The following TEN1 variants were observed in gnomAD, a reference collection of about 807,000 sequenced individuals.
TEN1 encodes the protein TEN1 subunit of CST complex.
Under a neutral mutation model 9.3 loss-of-function variants are expected in TEN1, and 6 were observed. That is an observed-to-expected ratio of 0.65 (90% CI 0.35 to 1.27). The LOEUF (loss-of-function observed/expected upper bound fraction) is 1.27, where lower values mean the gene tolerates loss of function less well. Among genes scored for constraint, TEN1 ranks in the 50% most tolerant of loss-of-function variants. The pLI, the probability that TEN1 is intolerant of heterozygous loss-of-function variation, is 0.03. For missense variants in TEN1, 149 were observed against 158.2 expected (o/e 0.94, Z 0.31); for synonymous variants, 65 against 65.6 (o/e 0.99, Z 0.04).
At chr17:75,980,814 A>C (rs527670987) in intron 1 of TEN1, among the ~76,000 whole-genome samples, 1 of 152,346 alleles carries the variant, frequency 6.6e-6, no homozygotes, top group East Asian at 1.9e-4. Context: ...TAATAGAACT[A>C]TAATACACAC....
Position 75,986,225 on chromosome 17 carries a change from C to A in TEN1, c.33C>A (p.Leu11=). MMLPKPGTYY[L]PWEVSAGQVP... is the part of the protein sequence containing the mutation. ...TGCCCAAACCTGGGACCTATTACCTCCCCTGGGAGGTTAGTGCAGGCCAAG... is the reference window on the plus strand; with the variant it reads ...TGCCCAAACCTGGGACCTATTACCTACCCTGGGAGGTTAGTGCAGGCCAAG... The change falls in exon 2 of 4, where the codon CTC becomes CTA. Residue 11 remains leucine (L), a synonymous_variant. Transcript: ENST00000397640. 1 of 1,550,048 alleles carries A rather than the reference C, an allele frequency of 6.5e-7. No homozygotes were observed. The highest frequency in any genetic ancestry group is 8.7e-7 in the Non-Finnish European group (1 of 1,146,232).
chr17:75,991,890 T>G (rs1767742018), intron 3 of TEN1, among the ~76,000 whole-genome samples: 1 of 151,574 alleles, frequency 6.6e-6, no homozygotes, highest in African/African-American at 2.4e-5. Context: ...CTACTAAAAG[T>G]ACAAAACTTA....
At position 75,979,387 on chromosome 17, in the gene TEN1, A is replaced by C; in HGVS notation, c.-131A>C. The C allele has an allele frequency of 2.0e-6, 1 of 512,726 alleles. No homozygotes were observed. The highest frequency in any genetic ancestry group is 3.5e-6 in the Non-Finnish European group (1 of 281,912). The allele number at this position is 512,726 out of a possible 1,614,324, so 31.8% of individuals were successfully genotyped here. ...CGGGAAAGGGGCTCCGAAGGTCAAG[A>C]AACTGCCCTGCTGGGCGTCCGGGGA... On this transcript the variant is annotated 5_prime_UTR_variant, in exon 1 of 4. Coordinates refer to ENST00000397640, the MANE Select transcript of TEN1 (RefSeq NM_001113324.3).
chr17:75,991,118 C>A (rs1265116017), intron 2 of TEN1, among the ~76,000 whole-genome samples: 1 of 132,834 alleles, frequency 7.5e-6, no homozygotes, highest in Non-Finnish European at 1.5e-5. Context: ...CCATTGCACT[C>A]CAGCCTGGGC....
chr17:75,988,584 A>G (rs1229603358), intron 2 of TEN1, among the ~76,000 whole-genome samples: 2 of 150,680 alleles, frequency 1.3e-5, no homozygotes, highest in Non-Finnish European at 3.0e-5. Flanking sequence ...AAAAAAAAAA[A>G]AAAGAAAAGA....
chr17:75,992,806 T>G (rs1488376561), intron 3 of TEN1, among the ~76,000 whole-genome samples: 1 of 149,290 alleles, frequency 6.7e-6, no homozygotes, highest in East Asian at 2.0e-4. Flanking sequence ...GCCACCGTTT[T>G]TTTTTTTTTT....
At chr17:75,997,770 C>T (rs1329526056) in intron 3 of TEN1, among the ~76,000 whole-genome samples, 1 of 152,084 alleles carries the variant, frequency 6.6e-6, no homozygotes, top group Non-Finnish European at 1.5e-5. Context: ...TCCGTATAAC[C>T]CCTTCCTCTT....
intron 3 of TEN1, among the ~76,000 whole-genome samples, chr17:75,998,782 C>A (rs1173953017): frequency 1.3e-5 from 2 of 152,052 alleles, no homozygotes; most frequent in African/African-American, 4.8e-5. Flanking sequence ...CGTCTGCCTC[C>A]CAGGTTCAAG....
Position 75,981,597 on chromosome 17 carries a change from T to TTG in TEN1, c.-7+2087_-7+2088insGT, listed in dbSNP as rs1491160412. On this transcript the variant is annotated intron_variant, in intron 1 of 3. Transcript: ENST00000397640. ...CAGAAGCAACCCACAAAGCAAGTTGTTTTTTTTTTTTTTTTTACCTTCTGT... is the reference window on the plus strand; with the variant it reads ...CAGAAGCAACCCACAAAGCAAGTTGTTGTTTTTTTTTTTTTTTTACCTTCTGT... 4.4e-3 allele frequency among the ~76,000 whole-genome samples: 403 copies of TTG among 91,282 alleles called. 4 individuals carry two copies. Among genetic ancestry groups the TTG allele is most frequent in the African/African-American group, 0.024 (384 of 16,324 alleles). The allele number at this position is 91,282 out of a possible 152,430, so 59.9% of individuals were successfully genotyped here.
In TEN1 at chr17:76,000,451, A is replaced by G. The variant is rs1567900852; in HGVS notation, c.*189A>G. On this transcript the variant is annotated 3_prime_UTR_variant, in exon 4 of 4. Coordinates refer to ENST00000397640, the MANE Select transcript of TEN1 (RefSeq NM_001113324.3). This position sits in a 1 kb window ranked among gnomAD's most constrained non-coding sequence, Gnocchi z 5.9. ...GCTCAGCAATGAGAACCCAGAAAGCATGCCATAAATCCGACAGCCCCACCC... is the reference window on the plus strand; with the variant it reads ...GCTCAGCAATGAGAACCCAGAAAGCGTGCCATAAATCCGACAGCCCCACCC... The G allele has an allele frequency of 1.1e-6, 1 of 896,852 alleles. No individual in the cohort carries two copies. The highest frequency in any genetic ancestry group is 1.6e-6 in the Non-Finnish European group (1 of 619,168). 55.6% of individuals were successfully genotyped at this position (896,852 alleles called of 1,614,324 possible).
At chr17:75,992,758 C>A (rs564586766) in intron 3 of TEN1, among the ~76,000 whole-genome samples, 5 of 149,038 alleles carry the variant, frequency 3.4e-5, no homozygotes, top group African/African-American at 1.2e-4. Flanking sequence ...GTGATCCACC[C>A]GCCTCGGCCT....
chr17:75,981,273 G>C (rs1344484419), intron 1 of TEN1, among the ~76,000 whole-genome samples: 1 of 151,432 alleles, frequency 6.6e-6, no homozygotes, highest in African/African-American at 2.4e-5. Context: ...TGCAACCTCC[G>C]CCTCCTGGGT....
intron 3 of TEN1, among the ~76,000 whole-genome samples, chr17:75,994,434 C>A (rs529113185): frequency 1.1e-4 from 15 of 136,504 alleles, no homozygotes; most frequent in African/African-American, 1.1e-4. Flanking sequence ...AACTCCGTCT[C>A]AAAAAAAAAA....
intron 2 of TEN1, among the ~76,000 whole-genome samples, chr17:75,990,498 CT>C (rs113464828): frequency 0.011 from 1,593 of 140,530 alleles, 9 homozygotes; most frequent in Middle Eastern, 0.023. Context: ...GCAAAGATTT[CT>C]TTTTTTTTTT....
In TEN1 at chr17:75,984,336, G is replaced by A. The variant is rs78872877; in HGVS notation, c.-6-1851G>A. ...TGTACAATGTGTTCCTTGTTCTGAA[G>A]AAATAATGGTCGGCTTTCCAAATCT... On this transcript the variant is annotated intron_variant, in intron 1 of 3. Transcript: ENST00000397640. Among the ~76,000 whole-genome samples the A allele has an allele frequency of 5.1e-3, 775 of 152,278 alleles. 8 individuals are homozygous for A. Among genetic ancestry groups the A allele is most frequent in the African/African-American group, 0.017 (689 of 41,566 alleles).
At chr17:75,996,284 G>A (rs1180810732) in intron 3 of TEN1, among the ~76,000 whole-genome samples, 3 of 152,080 alleles carry the variant, frequency 2.0e-5, no homozygotes, top group Non-Finnish European at 4.4e-5. Context: ...TCAGGAGTTC[G>A]AGACCGGCCT....
intron 3 of TEN1, among the ~76,000 whole-genome samples, chr17:75,999,824 AT>A: frequency 6.6e-6 from 1 of 152,042 alleles, no homozygotes; most frequent in Non-Finnish European, 1.5e-5. Flanking sequence ...AGTCTCTTGG[AT>A]TTTTAAAATA....
rs2066247417 is a variant in TEN1, at chr17:76,000,364, T to C, written c.*102T>C. The C allele has an allele frequency of 7.0e-7, 1 of 1,431,160 alleles. No individual in the cohort carries two copies. Among genetic ancestry groups the C allele is most frequent in the Non-Finnish European group, 9.2e-7 (1 of 1,083,722 alleles). 88.7% of individuals were successfully genotyped at this position (1,431,160 alleles called of 1,614,324 possible). A position where few individuals can be genotyped will look rare whatever the true frequency, so the allele number is the denominator to read the frequency against. The stretch of plus-strand genomic sequence containing the variant: ...AGACGCCTCCCCAGCGACGGCCTTG[T>C]CTGGAGCTCGAAAGCCGAGGGGCGG... On this transcript the variant is annotated 3_prime_UTR_variant, in exon 4 of 4. Transcript: ENST00000397640. The surrounding 1 kb of genome is among the most constrained non-coding windows in gnomAD (Gnocchi z 5.9).
intron 2 of TEN1, among the ~76,000 whole-genome samples, chr17:75,990,074 C>G (rs529520822): frequency 2.9e-4 from 43 of 150,006 alleles, no homozygotes; most frequent in Non-Finnish European, 4.9e-4. Flanking sequence ...GAGACGGAGT[C>G]TTGCTCTGTT....
Sources: gnomAD v4.1 joint callset for allele counts (sites outside exome capture counted in the v4.1 genomes callset) on GRCh38, gnomAD v4.1.1 for gene constraint, Gnocchi (gnomAD v3.1) non-coding constraint, MANE v1.5 for transcripts, NCBI Gene and HGNC (gene_info 2026-07-23, HGNC 2026-07-21) for gene names.